TSPAN15: variants seen among roughly 807,000 people sequenced by gnomAD.
TSPAN15 encodes the protein tetraspanin 15.
Under a neutral mutation model 34.5 loss-of-function variants are expected in TSPAN15, and 20 were observed. The ratio of observed to expected loss-of-function variants is 0.58; its 90% confidence interval spans 0.41 to 0.84. The LOEUF (loss-of-function observed/expected upper bound fraction) is 0.84. TSPAN15 is among the 40% of genes least tolerant of loss of function. TSPAN15 has a pLI of 0.00. For missense variants in TSPAN15, 313 were observed against 386.1 expected (o/e 0.81, Z 1.59); for synonymous variants, 155 against 153.9 (o/e 1.01, Z -0.05).
At chr10:69,495,434 CA>C in intron 3 of TSPAN15, 159 bp from the exon 4 acceptor site, 1 of 609,242 alleles carries the variant, frequency 1.6e-6, no homozygotes. Context: ...GTAGGGAGGT[CA>C]CGGGCATCCA....
At chr10:69,475,049 G>C (rs1372811616) in intron 1 of TSPAN15, among the ~76,000 whole-genome samples, 1 of 152,170 alleles carries the variant, frequency 6.6e-6, no homozygotes, top group Non-Finnish European at 1.5e-5. Flanking sequence ...AGGCAGGCCC[G>C]TGGCTCTCTT....
chr10:69,499,140 T>C (rs1842150431), intron 5 of TSPAN15, among the ~76,000 whole-genome samples: 2 of 152,248 alleles, frequency 1.3e-5, no homozygotes, highest in African/African-American at 4.8e-5. Flanking sequence ...AGTCCTTGTG[T>C]TTGACAAATG....
chr10:69,516,527 A>G, the TSPAN15 span, among the ~76,000 whole-genome samples: 1 of 152,210 alleles, frequency 6.6e-6, no homozygotes, highest in Non-Finnish European at 1.5e-5. Flanking sequence ...CTTAGATGCC[A>G]GAATGAGAAG....
chr10:69,513,601 G>A, the TSPAN15 span, among the ~76,000 whole-genome samples: 15,340 of 151,086 alleles, frequency 0.1, 1,207 homozygotes, highest in East Asian at 0.43. Context: ...TCTTTCATGC[G>A]TGATGCTTCT....
At chr10:69,528,592 A>C in the TSPAN15 span, among the ~76,000 whole-genome samples, 1 of 148,544 alleles carries the variant, frequency 6.7e-6, no homozygotes, top group South Asian at 2.1e-4. Flanking sequence ...GTGGCTTTCA[A>C]GTTCTTGTCC....
chr10:69,457,129 G>C (rs966271203), intron 1 of TSPAN15, among the ~76,000 whole-genome samples: 1 of 152,218 alleles, frequency 6.6e-6, no homozygotes, highest in Admixed American at 6.5e-5. Flanking sequence ...TGCCCACGGG[G>C]TATCTTAGAG....
At chr10:69,513,920 C>T in the TSPAN15 span, among the ~76,000 whole-genome samples, 1 of 152,238 alleles carries the variant, frequency 6.6e-6, no homozygotes, top group Non-Finnish European at 1.5e-5. Context: ...GGATTTCTCA[C>T]TACGTTTTGG....
the TSPAN15 span, among the ~76,000 whole-genome samples, chr10:69,540,583 A>C: frequency 6.6e-6 from 1 of 152,104 alleles, no homozygotes; most frequent in East Asian, 1.9e-4. Context: ...TGGCAACTGA[A>C]GTTTTCAATT....
chr10:69,482,786 A>T (rs1358119100), intron 1 of TSPAN15, among the ~76,000 whole-genome samples: 1 of 152,196 alleles, frequency 6.6e-6, no homozygotes, highest in Non-Finnish European at 1.5e-5. Context: ...CCCTCCAGCC[A>T]GTGGCATTTC....
At position 69,506,916 on chromosome 10, in the gene TSPAN15, C is replaced by T; in HGVS notation, c.823C>T (p.Pro275Ser). Residue 275 changes from proline to serine, a missense_variant, in exon 8 of 8, where the codon CCC (proline) becomes TCC (serine). Transcript: ENST00000373290. The surrounding 1 kb of genome is among the most constrained non-coding windows in gnomAD (Gnocchi z 4.7). ...EHSVTDGLLG[P>S]GAKPSVEAAG... ...CTCTGTCACTGATGGGCTCCTGGGG[C>T]CCGGTGCCAAGCCCAGCGTGGAGGC... 6.2e-7 allele frequency: 1 copy of T among 1,609,104 alleles called. No individual in the cohort carries two copies. Among genetic ancestry groups the T allele is most frequent in the East Asian group, 2.2e-5 (1 of 44,750 alleles).
At chr10:69,539,066 T>A in the TSPAN15 span, among the ~76,000 whole-genome samples, 1 of 152,102 alleles carries the variant, frequency 6.6e-6, no homozygotes, top group African/African-American at 2.4e-5. Flanking sequence ...CTTGGTGACA[T>A]TAGCAAGGAC....
intron 1 of TSPAN15, among the ~76,000 whole-genome samples, chr10:69,471,333 G>A (rs1841500784): frequency 6.6e-6 from 1 of 152,138 alleles, no homozygotes; most frequent in South Asian, 2.1e-4. Context: ...TTGGGAGCAT[G>A]TGATGGAGTA....
chr10:69,521,267 T>C, the TSPAN15 span, among the ~76,000 whole-genome samples: 1 of 151,788 alleles, frequency 6.6e-6, no homozygotes, highest in African/African-American at 2.4e-5. Context: ...CCCAGCACTT[T>C]GGGAGGCTGA....
the TSPAN15 span, chr10:69,523,384 C>G: frequency 3.4e-6 from 2 of 579,744 alleles, no homozygotes; most frequent in South Asian, 1.6e-5. Flanking sequence ...GCTGGGGTCT[C>G]CACCCCAAGC....
chr10:69,501,821 C>G (rs1422045748), intron 5 of TSPAN15, among the ~76,000 whole-genome samples: 1 of 152,174 alleles, frequency 6.6e-6, no homozygotes, highest in Non-Finnish European at 1.5e-5. Context: ...GCTACACCTC[C>G]TGTCACATCA....
intron 3 of TSPAN15, among the ~76,000 whole-genome samples, chr10:69,493,738 C>T (rs1262389741): frequency 3.9e-5 from 6 of 152,222 alleles, no homozygotes; most frequent in African/African-American, 1.2e-4. Context: ...TCCCAAAGTG[C>T]TGGGATTACA....
intron 5 of TSPAN15, among the ~76,000 whole-genome samples, chr10:69,501,835 G>A (rs1228068737): frequency 2.0e-5 from 3 of 152,174 alleles, no homozygotes; most frequent in Non-Finnish European, 4.4e-5. Flanking sequence ...CACATCAGCA[G>A]CAGCATTAGA....
chr10:69,475,276 T>C (rs559524992), intron 1 of TSPAN15, among the ~76,000 whole-genome samples: 1 of 152,286 alleles, frequency 6.6e-6, no homozygotes, highest in African/African-American at 2.4e-5. Context: ...CAGAGTTCCT[T>C]CTTTGGGCTT....
chr10:69,456,005 A>T (rs1477672739), intron 1 of TSPAN15, among the ~76,000 whole-genome samples: 1 of 152,160 alleles, frequency 6.6e-6, no homozygotes, highest in Non-Finnish European at 1.5e-5. Flanking sequence ...TGTGCATTTA[A>T]CATTTTGATG....
Sources: gnomAD v4.1 joint callset for allele counts (sites outside exome capture counted in the v4.1 genomes callset) on GRCh38, gnomAD v4.1.1 for gene constraint, Gnocchi (gnomAD v3.1) non-coding constraint, MANE v1.5 for transcripts, NCBI Gene and HGNC (gene_info 2026-07-23, HGNC 2026-07-21) for gene names.